The following MGAT4C variants were observed in gnomAD, a reference collection of about 807,000 sequenced individuals.
The protein encoded by MGAT4C is alpha-1,3-mannosyl-glycoprotein 4-beta-N-acetylglucosaminyltransferase C.
In MGAT4C, 19 loss-of-function variants were observed where a neutral mutation model predicts 40.1. That is an observed-to-expected ratio of 0.47 (90% CI 0.33 to 0.70). The LOEUF (loss-of-function observed/expected upper bound fraction) is 0.70. MGAT4C is among the 30% of genes least tolerant of loss of function. The pLI is 0.02. For missense variants in MGAT4C, 491 were observed against 563.2 expected, an observed-to-expected ratio of 0.87 and a Z score of 1.30; for synonymous variants, 181 against 187.1, an observed-to-expected ratio of 0.97 and a Z score of 0.27.
intron 4 of MGAT4C, among the ~76,000 whole-genome samples, chr12:86,295,364 C>G (rs1409796467): frequency 6.6e-6 from 1 of 152,128 alleles, no homozygotes; most frequent in Non-Finnish European, 1.5e-5. Context: ...AAAGAAGCCG[C>G]AGACCCTCGC....
chr12:86,284,276 TTATA>T, intron 4 of MGAT4C, among the ~76,000 whole-genome samples: 1 of 151,808 alleles, frequency 6.6e-6, no homozygotes, highest in Admixed American at 6.6e-5. Flanking sequence ...AGATGAATGT[TTATA>T]TATATATAAA....
chr12:86,759,639 G>A (rs559821910), intron 1 of MGAT4C, among the ~76,000 whole-genome samples: 2 of 152,084 alleles, frequency 1.3e-5, no homozygotes, highest in Non-Finnish European at 2.9e-5. Flanking sequence ...GATTAGTGAT[G>A]TTGAGCATGT....
chr12:86,790,600 T>C (rs991730812), intron 1 of MGAT4C, among the ~76,000 whole-genome samples: 2 of 152,144 alleles, frequency 1.3e-5, no homozygotes, highest in African/African-American at 4.8e-5. Context: ...GAATCACAGA[T>C]AATATCCCAT....
chr12:86,641,611 G>A (rs777148359), intron 2 of MGAT4C, among the ~76,000 whole-genome samples: 21 of 151,764 alleles, frequency 1.4e-4, no homozygotes, highest in Non-Finnish European at 2.4e-4. Flanking sequence ...AGAAGGTGAC[G>A]GTGCCGATTT....
At chr12:86,165,078 G>A (rs918856062) in intron 1 of MGAT4C, among the ~76,000 whole-genome samples, 4 of 152,006 alleles carry the variant, frequency 2.6e-5, no homozygotes, top group Non-Finnish European at 5.9e-5. Context: ...GGAACAATGA[G>A]GCAGATTTAA....
rs553787161 is a variant in MGAT4C, at chr12:86,529,969, C to T, written c.-228-94704G>A. On this transcript the variant is annotated intron_variant, in intron 2 of 7. Coordinates refer to the MGAT4C transcript ENST00000548651. ...TAAAATGCCAAATAAAATGTAAATG[C>T]TGTGTAGATGGTTGTGGTAATGTAT... Among the ~76,000 whole-genome samples, 27 of 152,010 alleles carry T rather than the reference C, an allele frequency of 1.8e-4. No homozygotes were observed. In the South Asian group the frequency reaches 5.2e-3, roughly 29 times the overall value.
intron 2 of MGAT4C, among the ~76,000 whole-genome samples, chr12:86,712,183 A>G: frequency 6.6e-6 from 1 of 152,280 alleles, no homozygotes; most frequent in East Asian, 1.9e-4. Flanking sequence ...ATAAACTTAT[A>G]TTTAAAAGAT....
chr12:86,154,024 A>T (rs1281010643), intron 1 of MGAT4C, among the ~76,000 whole-genome samples: 1 of 152,232 alleles, frequency 6.6e-6, no homozygotes, highest in Non-Finnish European at 1.5e-5. Context: ...AAAGACGCTG[A>T]AAAGAGAAAA....
At chr12:86,080,477 C>T (rs1447615779) in intron 1 of MGAT4C, among the ~76,000 whole-genome samples, 1 of 151,928 alleles carries the variant, frequency 6.6e-6, no homozygotes, top group East Asian at 1.9e-4. Context: ...TAAGAAATAC[C>T]TGAAAATATG....
intron 1 of MGAT4C, among the ~76,000 whole-genome samples, chr12:86,099,537 G>C (rs1024461420): frequency 2.0e-5 from 3 of 151,356 alleles, no homozygotes; most frequent in Admixed American, 6.6e-5. Context: ...CAGAAAGTGA[G>C]CAAAGGATAT....
At chr12:86,603,355 T>C (rs1961859449) in intron 2 of MGAT4C, among the ~76,000 whole-genome samples, 1 of 133,504 alleles carries the variant, frequency 7.5e-6, no homozygotes, top group Non-Finnish European at 1.5e-5. Flanking sequence ...AATTATATAG[T>C]ATAGTATATG....
chr12:86,077,638 C>T (rs1319034321), intron 1 of MGAT4C, among the ~76,000 whole-genome samples: 2 of 152,194 alleles, frequency 1.3e-5, no homozygotes, highest in African/African-American at 2.4e-5. Flanking sequence ...AGCACCTCAG[C>T]AGGTCATAGT....
intron 2 of MGAT4C, among the ~76,000 whole-genome samples, chr12:86,550,424 T>C (rs948443565): frequency 6.6e-6 from 1 of 152,268 alleles, no homozygotes; most frequent in Non-Finnish European, 1.5e-5. Flanking sequence ...CACAGCTGCA[T>C]TGCCATGCAT....
chr12:86,012,778 A>AACAACCACCACCACCACCACC (rs1308194133), intron 2 of MGAT4C, among the ~76,000 whole-genome samples: 2 of 136,350 alleles, frequency 1.5e-5, no homozygotes, highest in African/African-American at 2.7e-5. Context: ...CAACAACAAC[A>AACAACCACCACCACCACCACC]ACCACCACCA....
At chr12:86,649,690 A>C (rs1284686711) in intron 2 of MGAT4C, among the ~76,000 whole-genome samples, 1 of 151,834 alleles carries the variant, frequency 6.6e-6, no homozygotes. Flanking sequence ...GTACCATTTA[A>C]CTGAAGATAT....
chr12:86,408,758 G>C (rs189968694), intron 3 of MGAT4C, among the ~76,000 whole-genome samples: 1 of 151,636 alleles, frequency 6.6e-6, no homozygotes, highest in African/African-American at 2.4e-5. Context: ...TGAATAGATT[G>C]ATCTCATTAT....
chr12:86,405,555 TCA>T (rs1956447672), intron 3 of MGAT4C, among the ~76,000 whole-genome samples: 3 of 152,000 alleles, frequency 2.0e-5, no homozygotes, highest in Admixed American at 2.0e-4. Context: ...TTCAACTCTC[TCA>T]ACTTGAAATA....
rs1450580769 is a variant in MGAT4C, at chr12:85,957,664, A to AT, written c.*21624_*21625insA. 6.7e-6 allele frequency: 1 copy of AT among 149,046 alleles called. No homozygotes were observed. Among genetic ancestry groups the AT allele is most frequent in the Non-Finnish European group, 1.5e-5 (1 of 67,472 alleles). 9.2% of individuals were successfully genotyped at this position (149,046 alleles called of 1,614,324 possible). A position where few individuals can be genotyped will look rare whatever the true frequency, so the allele number is the denominator to read the frequency against. On this transcript the variant is annotated 3_prime_UTR_variant, in exon 5 of 5. Transcript: ENST00000611864. ...TAGAGTTGAATAAGAAAGCAAAAAA[A>AT]AAAAAAAAAGAAAAAAGAAAAAAAA... is the stretch of plus-strand genomic sequence containing the variant.
chr12:86,122,840 A>G (rs902267762), intron 1 of MGAT4C, among the ~76,000 whole-genome samples: 27 of 152,300 alleles, frequency 1.8e-4, no homozygotes, highest in African/African-American at 6.3e-4. Context: ...TTCTTAATAC[A>G]TCATCAAAGG....
Sources: gnomAD v4.1 joint callset for allele counts (sites outside exome capture counted in the v4.1 genomes callset) on GRCh38, gnomAD v4.1.1 for gene constraint, MANE v1.5 for transcripts, NCBI Gene and HGNC (gene_info 2026-07-23, HGNC 2026-07-21) for gene names.